COPS2: variants seen among roughly 807,000 people sequenced by gnomAD.
COPS2 encodes the protein COP9 signalosome complex subunit 2.
In COPS2, 10 loss-of-function variants were observed where a neutral mutation model predicts 66.1. That is an observed-to-expected ratio of 0.15 (90% CI 0.09 to 0.26). The LOEUF is 0.26. Ranked by LOEUF, COPS2 falls within the 10% of genes least tolerant of loss-of-function variation. COPS2 has a pLI of 1.00. For synonymous variants in COPS2, 179 were observed against 171.3 expected (o/e 1.04, Z -0.35); for missense variants, 215 against 513.3 (o/e 0.42, Z 5.62).
In COPS2 at chr15:49,151,810, T is replaced by C. The variant is rs1292332295; in HGVS notation, c.54+3715A>G. Among the ~76,000 whole-genome samples, 8 of 152,034 alleles carry C rather than the reference T, an allele frequency of 5.3e-5. No individual in the cohort carries two copies. The East Asian group carries it at 1.5e-3, about 29-fold the overall frequency. ...AATTTCTTTTATATTCGTTTCTTTT[T>C]TTTTTTTTTTAAATAACAAGTTTGT... On this transcript the variant is annotated intron_variant, in intron 1 of 12. Coordinates refer to ENST00000388901, the MANE Select transcript of COPS2 (RefSeq NM_004236.4).
At chr15:49,142,922 G>T (rs1280508580) in intron 3 of COPS2, among the ~76,000 whole-genome samples, 5 of 152,058 alleles carry the variant, frequency 3.3e-5, no homozygotes, top group African/African-American at 1.2e-4. Flanking sequence ...CAATTTACTT[G>T]GGGGGAGGGG....
chr15:49,125,371 T>G lies in COPS2; in HGVS notation c.*2579A>C, dbSNP rs542032700. On this transcript the variant is annotated 3_prime_UTR_variant, in exon 13 of 13. Coordinates refer to ENST00000388901, the MANE Select transcript of COPS2 (RefSeq NM_004236.4). The stretch of plus-strand genomic sequence containing the variant: ...TCTTGTAGTAGAGAGCATCTACTTG[T>G]GGCAGCCAAAGATTTCTTTGCAGTA... The G allele has an allele frequency of 1.3e-5, 2 of 152,252 alleles. No homozygotes were observed. Among genetic ancestry groups the G allele is most frequent in the African/African-American group, 4.8e-5 (2 of 41,568 alleles). The allele number at this position is 152,252 out of a possible 1,614,324, so 9.4% of individuals were successfully genotyped here.
intron 3 of COPS2, among the ~76,000 whole-genome samples, chr15:49,140,537 A>C (rs1029310745): frequency 1.3e-5 from 2 of 152,164 alleles, no homozygotes; most frequent in Non-Finnish European, 2.9e-5. Flanking sequence ...GATATAGTAA[A>C]TGTTGTTATT....
intron 1 of COPS2, among the ~76,000 whole-genome samples, chr15:49,154,317 G>C (rs1428196751): frequency 6.6e-6 from 1 of 151,976 alleles, no homozygotes. Context: ...TAAAATGTAA[G>C]GTAGAAACCA....
At chr15:49,144,618 G>T (rs2084309408) in intron 2 of COPS2, among the ~76,000 whole-genome samples, 1 of 152,140 alleles carries the variant, frequency 6.6e-6, no homozygotes, top group Non-Finnish European at 1.5e-5. Flanking sequence ...AAGTGTATCA[G>T]TAAGTCAAGA....
intron 4 of COPS2, 27 bp downstream of exon 4, chr15:49,139,501 T>A: frequency 6.4e-7 from 1 of 1,562,850 alleles, no homozygotes. Context: ...ACACTGATCG[T>A]CCCAAGAGGG....
rs755383167 is a variant in COPS2, at chr15:49,137,145, G to A, written c.540+5C>T. The A allele has an allele frequency of 4.5e-6, 7 of 1,556,642 alleles. No individual in the cohort carries two copies. In the South Asian group the frequency reaches 8.6e-5, roughly 19 times the overall value. Reference sequence around the variant, plus strand: ...AATATTCAGAAAAAAATAAGGGAAAGCTACCTGGCACGACTGATGTAACTG... The same window carrying A: ...AATATTCAGAAAAAAATAAGGGAAAACTACCTGGCACGACTGATGTAACTG... On this transcript the variant is annotated splice_donor_5th_base_variant and intron_variant, in intron 6 of 12. Coordinates refer to ENST00000388901, the MANE Select transcript of COPS2 (RefSeq NM_004236.4).
chr15:49,141,842 ACT>A (rs766346971), intron 3 of COPS2, among the ~76,000 whole-genome samples: 1 of 152,132 alleles, frequency 6.6e-6, no homozygotes, highest in Non-Finnish European at 1.5e-5. Flanking sequence ...CTTCCTTCCC[ACT>A]CTGCTCAAGG....
At position 49,143,670 on chromosome 15, in the gene COPS2, T is replaced by C. The variant is rs146227405; in HGVS notation, c.246+557A>G. Among the ~76,000 whole-genome samples, 3 of 152,272 alleles carry C rather than the reference T, an allele frequency of 2.0e-5. No individual in the cohort carries two copies. In the East Asian group the frequency reaches 5.8e-4, roughly 29 times the overall value. On this transcript the variant is annotated intron_variant, in intron 3 of 12. Coordinates refer to ENST00000388901, the MANE Select transcript of COPS2 (RefSeq NM_004236.4). ...AAACTCCAAAGTAAACACTAATCCT[T>C]TGTGGAAAAGTCAATCTATTAATAA...
At chr15:49,138,225 C>T (rs1425184539) in intron 4 of COPS2, among the ~76,000 whole-genome samples, 1 of 152,154 alleles carries the variant, frequency 6.6e-6, no homozygotes, top group African/African-American at 2.4e-5. Context: ...ACCCTCTTCC[C>T]CCCGCTTCTG....
Position 49,144,322 on chromosome 15 carries a change from T to C in COPS2, c.169-18A>G. ...TCCAAAACCTAAAAAGAGGAAGAAA[T>C]TTTTAGTTTATCTTAATATTAACAC... On this transcript the variant is annotated intron_variant, in intron 2 of 12. Coordinates refer to ENST00000388901, the MANE Select transcript of COPS2 (RefSeq NM_004236.4). 6.7e-7 allele frequency: 1 copy of C among 1,494,368 alleles called. No individual in the cohort carries two copies. The highest frequency in any genetic ancestry group is 9.3e-7 in the Non-Finnish European group (1 of 1,075,444). The allele number at this position is 1,494,368 out of a possible 1,614,324, so 92.6% of individuals were successfully genotyped here.
At chr15:49,128,521 A>C (rs1229252537) in intron 12 of COPS2, among the ~76,000 whole-genome samples, 181 bp downstream of exon 12, 2 of 152,238 alleles carry the variant, frequency 1.3e-5, no homozygotes, top group Non-Finnish European at 2.9e-5. Context: ...TTTTTCTGAG[A>C]TGTGTTTAAT....
At chr15:49,145,131 G>C in intron 1 of COPS2, 53 bp from the exon 2 acceptor site, 1 of 941,664 alleles carries the variant, frequency 1.1e-6, no homozygotes, top group East Asian at 2.6e-5. Flanking sequence ...AAACCCACAC[G>C]TAGCAACGTA....
Position 49,123,090 on chromosome 15 carries a change from T to C in COPS2, c.*4860A>G, listed in dbSNP as rs2141118658. 2 of 152,336 alleles carry C rather than the reference T, an allele frequency of 1.3e-5. No individual in the cohort carries two copies. Among genetic ancestry groups the C allele is most frequent in the East Asian group, 3.9e-4 (2 of 5,194 alleles). 9.4% of individuals were successfully genotyped at this position (152,336 alleles called of 1,614,324 possible). ...AAATATATTTTAATTTTCTTCAGTG[T>C]TATTTAAAATAGATGCATAAAAATT... is the stretch of plus-strand genomic sequence containing the variant. On this transcript the variant is annotated 3_prime_UTR_variant, in exon 13 of 13. Transcript: ENST00000388901.
In COPS2 at chr15:49,136,581, T is replaced by A. The variant is rs1486657793; in HGVS notation, c.540+569A>T. On this transcript the variant is annotated intron_variant, in intron 6 of 12. Transcript: ENST00000388901. ...AATATAAAAATATCTTTATTACACG[T>A]TTGTAATATCCTGGCTCTGTTTTCA... Among the ~76,000 whole-genome samples the A allele has an allele frequency of 2.6e-5, 4 of 152,172 alleles. No homozygotes were observed. The East Asian group carries it at 7.7e-4, about 29-fold the overall frequency.
At chr15:49,135,615 G>A (rs1347109689) in intron 6 of COPS2, among the ~76,000 whole-genome samples, 1 of 152,162 alleles carries the variant, frequency 6.6e-6, no homozygotes, top group Non-Finnish European at 1.5e-5. Flanking sequence ...CCCATGAAAT[G>A]TGGGCCATGA....
chr15:49,128,914 C>T lies in COPS2; in HGVS notation c.1129-154G>A, dbSNP rs533603392. 9.3e-4 allele frequency among the ~76,000 whole-genome samples: 141 copies of T among 152,052 alleles called. 5 individuals are homozygous for T. In the South Asian group the frequency reaches 0.027, roughly 30 times the overall value. ...TTTCATTATCACTTCAAAATATATC[C>T]GAGAACACAGGTATGATAAAGACTT... is the stretch of plus-strand genomic sequence containing the variant. On this transcript the variant is annotated intron_variant, in intron 11 of 12. Coordinates refer to ENST00000388901, the MANE Select transcript of COPS2 (RefSeq NM_004236.4).
intron 6 of COPS2, 123 bp from the exon 7 acceptor site, chr15:49,134,637 AT>A (rs961415659): frequency 2.6e-6 from 2 of 765,410 alleles, no homozygotes; most frequent in African/African-American, 3.5e-5. Context: ...ACAAATTTTA[AT>A]TGGGAGCTAC....
At position 49,124,390 on chromosome 15, in the gene COPS2, A is replaced by C. The variant is rs1308791758; in HGVS notation, c.*3560T>G. The C allele has an allele frequency of 6.6e-6, 1 of 152,092 alleles. No individual in the cohort carries two copies. Among genetic ancestry groups the C allele is most frequent in the Non-Finnish European group, 1.5e-5 (1 of 68,020 alleles). 9.4% of individuals were successfully genotyped at this position (152,092 alleles called of 1,614,324 possible). A position where few individuals can be genotyped will look rare whatever the true frequency, so the allele number is the denominator to read the frequency against. ...TGTTTCCAAAAAAAGCAAAACAAAAACAAAAACAAAAAAACCGTATCAAAC... is the reference window on the plus strand; with the variant it reads ...TGTTTCCAAAAAAAGCAAAACAAAACCAAAAACAAAAAAACCGTATCAAAC... On this transcript the variant is annotated 3_prime_UTR_variant, in exon 13 of 13. Coordinates refer to ENST00000388901, the MANE Select transcript of COPS2 (RefSeq NM_004236.4).
Sources: allele counts gnomAD v4.1 joint callset (sites outside exome capture counted in the v4.1 genomes callset), GRCh38; gene constraint gnomAD v4.1.1; transcripts MANE v1.5; gene names NCBI Gene and HGNC (gene_info 2026-07-23, HGNC 2026-07-21).